The following KIF21B variants were observed in gnomAD, a reference collection of about 807,000 sequenced individuals.
The protein encoded by KIF21B is kinesin-like protein KIF21B.
In KIF21B, 85 loss-of-function variants were observed where a neutral mutation model predicts 192.9. That is an observed-to-expected ratio of 0.44 (90% CI 0.37 to 0.53). KIF21B has a LOEUF of 0.53. Ranked by LOEUF, KIF21B falls within the 20% of genes least tolerant of loss-of-function variation. The probability of loss-of-function intolerance (pLI) is 0.00; values close to 1 mark genes in which losing one functional copy is unlikely to be tolerated. For missense variants in KIF21B, 1,716 were observed against 2,194.8 expected (o/e 0.78, Z 4.36); for synonymous variants, 832 against 884.6 (o/e 0.94, Z 1.05).
intron 8 of KIF21B, chr1:201,002,699 G>C (rs1270992819): frequency 4.1e-6 from 1 of 246,800 alleles, no homozygotes; most frequent in Admixed American, 4.8e-5. Context: ...AATGAGTCAG[G>C]CTGGTTGTAA....
intron 7 of KIF21B, among the ~76,000 whole-genome samples, chr1:201,004,130 T>C (rs1372104638): frequency 1.3e-5 from 2 of 152,148 alleles, no homozygotes; most frequent in Non-Finnish European, 2.9e-5. Flanking sequence ...TTAGAATGTC[T>C]CTCTCTGTTT....
rs758856670 is a variant in KIF21B, at chr1:200,992,271, C to G, written c.2385+11G>C. 1 of 1,609,390 alleles carries G rather than the reference C, an allele frequency of 6.2e-7. No homozygotes were observed. The highest frequency in any genetic ancestry group is 1.1e-5 in the South Asian group (1 of 91,064). ...CAAAGGCTCCTGGGAGGCTCAAGGG[C>G]CACCCCTCACCTCCTGTCGCCGCTG... On this transcript the variant is annotated intron_variant, in intron 16 of 34. Coordinates refer to ENST00000461742, the MANE Select transcript of KIF21B (RefSeq NM_001252102.2).
At chr1:200,973,698 G>A in intron 34 of KIF21B, 120 bp from the exon 35 acceptor site, 1 of 1,499,792 alleles carries the variant, frequency 6.7e-7, no homozygotes, top group Non-Finnish European at 8.8e-7. Flanking sequence ...GTTGGGGCTG[G>A]GAGGCAAGCA....
chr1:200,985,906 C>T (rs183413219), intron 26 of KIF21B, among the ~76,000 whole-genome samples: 65 of 149,246 alleles, frequency 4.4e-4, no homozygotes, highest in Admixed American at 1.0e-3. Flanking sequence ...ACTGCAATGG[C>T]GTGATCTCGG....
intron 3 of KIF21B, among the ~76,000 whole-genome samples, chr1:201,008,296 G>A (rs1246900113): frequency 1.3e-5 from 2 of 152,140 alleles, no homozygotes; most frequent in African/African-American, 4.8e-5. Flanking sequence ...TTCTGCCCTG[G>A]GGTCAGAGAA....
intron 1 of KIF21B, among the ~76,000 whole-genome samples, chr1:201,012,079 T>C (rs1190456982): frequency 6.6e-6 from 1 of 152,150 alleles, no homozygotes; most frequent in African/African-American, 2.4e-5. Context: ...CCCAGGGTTT[T>C]AGGGTCCAGG....
intron 1 of KIF21B, among the ~76,000 whole-genome samples, chr1:201,012,068 C>T (rs1053311735): frequency 1.8e-4 from 28 of 152,280 alleles, no homozygotes; most frequent in African/African-American, 6.3e-4. Context: ...GAGGAGGAGA[C>T]CCCAGGGTTT....
In KIF21B at chr1:200,991,012, G is replaced by C; in HGVS notation, c.2592C>G (p.Arg864=). The C allele has an allele frequency of 6.2e-7, 1 of 1,614,202 alleles. No homozygotes were observed. The highest frequency in any genetic ancestry group is 8.5e-7 in the Non-Finnish European group (1 of 1,180,046). ...TTSSEAESGA[R]SVSSIVRQWN... ...ACTGGCGCACGATGCTGGAGACAGAGCGGGCCCCTGATTCAGCCTCAGATG... is the reference window on the plus strand; with the variant it reads ...ACTGGCGCACGATGCTGGAGACAGACCGGGCCCCTGATTCAGCCTCAGATG... Residue 864 remains arginine (R), a synonymous_variant, in exon 18 of 35, where the codon CGC becomes CGG. Coordinates refer to ENST00000461742, the MANE Select transcript of KIF21B (RefSeq NM_001252102.2).
In KIF21B at chr1:200,999,499, C is replaced by A; in HGVS notation, c.1768-33G>T. ...CCAGGCACCATTGGGGTGGGCCTGG[C>A]CTCAGAGAGGGGAGCCCAGAAGCAG... On this transcript the variant is annotated intron_variant, in intron 12 of 34. Coordinates refer to ENST00000461742, the MANE Select transcript of KIF21B (RefSeq NM_001252102.2). The surrounding 1 kb of genome is among the most constrained non-coding windows in gnomAD (Gnocchi z 4.7). 6.2e-7 allele frequency: 1 copy of A among 1,605,882 alleles called. No individual in the cohort carries two copies. Among genetic ancestry groups the A allele is most frequent in the Admixed American group, 1.7e-5 (1 of 59,568 alleles).
intron 26 of KIF21B, 93 bp from the exon 27 acceptor site, chr1:200,985,065 G>A (rs1656197763): frequency 2.6e-5 from 20 of 781,180 alleles, no homozygotes; most frequent in Non-Finnish European, 3.7e-5. Context: ...GCCTTGTGAG[G>A]CCCGCAGGAC....
At chr1:201,004,606 G>C (rs1382426280) in intron 6 of KIF21B, 151 bp from the exon 7 acceptor site, 1 of 1,140,666 alleles carries the variant, frequency 8.8e-7, no homozygotes. Context: ...GGATAAGTTG[G>C]TGAAATGGGG....
intron 34 of KIF21B, chr1:200,974,098 G>A: frequency 6.2e-7 from 1 of 1,612,588 alleles, no homozygotes; most frequent in South Asian, 1.1e-5. Context: ...GGGAGGGTCA[G>A]GGCAGGGTGG....
intron 2 of KIF21B, 146 bp from the exon 3 acceptor site, chr1:201,009,097 A>G (rs1201887110): frequency 2.5e-6 from 3 of 1,184,680 alleles, no homozygotes; most frequent in Non-Finnish European, 3.5e-6. Context: ...CACTCTGGGG[A>G]AATCACTGAC....
At position 200,998,558 on chromosome 1, in the gene KIF21B, C is replaced by A; in HGVS notation, c.1903G>T (p.Asp635Tyr). Reference sequence around the variant, plus strand: ...ATCTCACAAGTCAGGTCGGCCAGGTCCGCCTGGAAGTTCACCTCTATGGGG... The same window carrying A: ...ATCTCACAAGTCAGGTCGGCCAGGTACGCCTGGAAGTTCACCTCTATGGGG... ...PEEKEVNFQA[D>Y]LADLTCEIEI... Residue 635 changes from aspartate to tyrosine, a missense_variant, in exon 14 of 35, where the codon GAC becomes TAC. Around this residue, in one of 3 missense-constraint regions of KIF21B, gnomAD observed 1,087 missense variants for 1,316.6 expected, o/e 0.83. Coordinates refer to ENST00000461742, the MANE Select transcript of KIF21B (RefSeq NM_001252102.2). This position sits in a 1 kb window ranked among gnomAD's most constrained non-coding sequence, Gnocchi z 4.3. 1 of 1,613,590 alleles carries A rather than the reference C, an allele frequency of 6.2e-7. No homozygotes were observed. The highest frequency in any genetic ancestry group is 1.1e-5 in the South Asian group (1 of 91,064).
chr1:201,008,210 TG>T (rs1658025964), intron 3 of KIF21B, among the ~76,000 whole-genome samples: 1 of 152,192 alleles, frequency 6.6e-6, no homozygotes, highest in Non-Finnish European at 1.5e-5. Flanking sequence ...CCTCCCTGGC[TG>T]CCACAGTCTG....
Position 201,017,383 on chromosome 1 carries a change from C to G in KIF21B, c.41+5960G>C, listed in dbSNP as rs1658568405. 6.6e-6 allele frequency among the ~76,000 whole-genome samples: 1 copy of G among 152,228 alleles called. No homozygotes were observed. Among genetic ancestry groups the G allele is most frequent in the African/African-American group, 2.4e-5 (1 of 41,458 alleles). ...GGGCCAGGGTCGGACTCCTCCATCT[C>G]TGGGGCCTGGGAAGAGGGTAAACCC... On this transcript the variant is annotated intron_variant, in intron 1 of 34. Coordinates refer to ENST00000461742, the MANE Select transcript of KIF21B (RefSeq NM_001252102.2). The surrounding 1 kb of genome is among the most constrained non-coding windows in gnomAD (Gnocchi z 4.1).
intron 31 of KIF21B, 27 bp from the exon 32 acceptor site, chr1:200,976,920 G>A (rs1655588633): frequency 6.4e-7 from 1 of 1,552,298 alleles, no homozygotes; most frequent in African/African-American, 1.4e-5. Flanking sequence ...CCCAGCCAGG[G>A]GTAGGTGAAT....
chr1:200,976,115 G>A (rs1274617982), intron 32 of KIF21B, among the ~76,000 whole-genome samples: 3 of 152,168 alleles, frequency 2.0e-5, no homozygotes, highest in Admixed American at 2.0e-4. Context: ...GTTGGAGACT[G>A]AGTCTCACTC....
intron 1 of KIF21B, among the ~76,000 whole-genome samples, chr1:201,020,807 C>CTACACACACACA (rs1658774773): frequency 1.2e-5 from 1 of 82,578 alleles, no homozygotes; most frequent in African/African-American, 1.0e-4. Context: ...CCTCTCTCCT[C>CTACACACACACA]TACACACACA....
Sources: allele counts gnomAD v4.1 joint callset (sites outside exome capture counted in the v4.1 genomes callset), GRCh38; gene constraint gnomAD v4.1.1; regional missense constraint gnomAD v4.1.1; non-coding constraint Gnocchi (gnomAD v3.1); transcripts MANE v1.5; gene names NCBI Gene and HGNC (gene_info 2026-07-23, HGNC 2026-07-21).